Variants in ST6GALNAC3 observed in about 807,000 individuals in gnomAD.
ST6GALNAC3 encodes the protein ST6 N-acetylgalactosaminide alpha-2,6-sialyltransferase 3.
In ST6GALNAC3, 25 loss-of-function variants were observed where a neutral mutation model predicts 32.7. The ratio of observed to expected loss-of-function variants is 0.76; its 90% CI spans 0.56 to 1.07. ST6GALNAC3 has a LOEUF of 1.07. Among genes scored for constraint, ST6GALNAC3 ranks in the 50% least tolerant of loss-of-function variants. The pLI is 0.00. For synonymous variants in ST6GALNAC3, 129 were observed against 133.1 expected (o/e 0.97, Z 0.21); for missense variants, 355 against 382.4 (o/e 0.93, Z 0.60).
chr1:76,195,444 G>A (rs893076457), intron 1 of ST6GALNAC3, among the ~76,000 whole-genome samples: 1 of 152,096 alleles, frequency 6.6e-6, no homozygotes, highest in East Asian at 1.9e-4. Flanking sequence ...TGTACTCAAG[G>A]TTTAATAAAA....
intron 3 of ST6GALNAC3, among the ~76,000 whole-genome samples, chr1:76,467,346 G>C (rs577725246): frequency 2.0e-5 from 3 of 152,058 alleles, no homozygotes; most frequent in East Asian, 3.9e-4. Flanking sequence ...CTATCCCAAA[G>C]AGCCATAGGA....
At chr1:76,489,319 T>C (rs556495304) in intron 3 of ST6GALNAC3, among the ~76,000 whole-genome samples, 4 of 152,224 alleles carry the variant, frequency 2.6e-5, no homozygotes. Flanking sequence ...ATGTTCCTCA[T>C]TTATTCAACA....
intron 1 of ST6GALNAC3, among the ~76,000 whole-genome samples, chr1:76,151,287 G>A (rs965215833): frequency 5.3e-5 from 8 of 152,286 alleles, no homozygotes; most frequent in Middle Eastern, 3.4e-3. Context: ...AAGGGGTGAC[G>A]TTAAAACTAG....
intron 2 of ST6GALNAC3, among the ~76,000 whole-genome samples, chr1:76,365,221 G>GA (rs573094407): frequency 1.7e-3 from 252 of 152,276 alleles, no homozygotes; most frequent in Admixed American, 5.0e-3. Flanking sequence ...AAATAGTTCA[G>GA]AAACTGAAAA....
At chr1:76,242,103 T>G (rs1656998492) in intron 1 of ST6GALNAC3, among the ~76,000 whole-genome samples, 1 of 152,212 alleles carries the variant, frequency 6.6e-6, no homozygotes, top group South Asian at 2.1e-4. Flanking sequence ...TACTAGCTGT[T>G]GTTCTCCCAC....
chr1:76,596,754 ATT>A (rs1284285571), intron 3 of ST6GALNAC3, among the ~76,000 whole-genome samples: 1 of 152,148 alleles, frequency 6.6e-6, no homozygotes, highest in African/African-American at 2.4e-5. Flanking sequence ...ATGTCAGAAC[ATT>A]TGCAGTAACT....
intron 3 of ST6GALNAC3, among the ~76,000 whole-genome samples, chr1:76,589,669 C>T (rs1647017769): frequency 6.6e-6 from 1 of 151,624 alleles, no homozygotes; most frequent in Non-Finnish European, 1.5e-5. Flanking sequence ...TGCTTGGCTA[C>T]TTGAGTAATA....
chr1:76,462,712 T>A (rs1007968065), intron 3 of ST6GALNAC3, among the ~76,000 whole-genome samples: 1 of 151,904 alleles, frequency 6.6e-6, no homozygotes, highest in South Asian at 2.1e-4. Context: ...TTTAGGCACA[T>A]AGACACAGTA....
chr1:76,290,061 A>G (rs986685715), intron 1 of ST6GALNAC3, among the ~76,000 whole-genome samples: 1 of 152,214 alleles, frequency 6.6e-6, no homozygotes, highest in South Asian at 2.1e-4. Flanking sequence ...TTCTCTTTTG[A>G]AATAGTTTTT....
intron 2 of ST6GALNAC3, among the ~76,000 whole-genome samples, chr1:76,340,859 A>G (rs1166044686): frequency 6.6e-6 from 1 of 152,036 alleles, no homozygotes; most frequent in Non-Finnish European, 1.5e-5. Flanking sequence ...GAGCTTTCTC[A>G]GCCCATTTTG....
At chr1:76,447,735 C>T (rs187708351) in intron 3 of ST6GALNAC3, among the ~76,000 whole-genome samples, 106 of 152,242 alleles carry the variant, frequency 7.0e-4, no homozygotes, top group Admixed American at 2.4e-3. Context: ...GAGTGGAAGC[C>T]GCAAGCCTTG....
Position 76,630,895 on chromosome 1 carries a change from T to C in ST6GALNAC3, c.*2089T>C. 1.0e-6 allele frequency: 1 copy of C among 985,662 alleles called. No homozygotes were observed. The highest frequency in any genetic ancestry group is 1.2e-6 in the Non-Finnish European group (1 of 829,818). 61.1% of individuals were successfully genotyped at this position (985,662 alleles called of 1,614,324 possible). On this transcript the variant is annotated 3_prime_UTR_variant, in exon 5 of 5. Transcript: ENST00000328299. Reference sequence around the variant, plus strand: ...CAAATGTTAAAATTGCCATACAGACTGTTTTTCCCCCTGTTGTTTCACTTT... The same window carrying C: ...CAAATGTTAAAATTGCCATACAGACCGTTTTTCCCCCTGTTGTTTCACTTT...
At chr1:76,425,736 G>A (rs985574199) in intron 3 of ST6GALNAC3, among the ~76,000 whole-genome samples, 4 of 151,876 alleles carry the variant, frequency 2.6e-5, no homozygotes, top group African/African-American at 7.2e-5. Flanking sequence ...ATCTCAAAGT[G>A]AACTAAAAAT....
chr1:76,195,297 A>C (rs1163823743), intron 1 of ST6GALNAC3, among the ~76,000 whole-genome samples: 1 of 152,214 alleles, frequency 6.6e-6, no homozygotes, highest in Non-Finnish European at 1.5e-5. Flanking sequence ...TATGTTCATG[A>C]AAAAAGCAAT....
chr1:76,485,039 C>T (rs910683143), intron 3 of ST6GALNAC3, among the ~76,000 whole-genome samples: 6 of 152,010 alleles, frequency 3.9e-5, no homozygotes, highest in Non-Finnish European at 8.8e-5. Context: ...GATTTGCATA[C>T]GTCAAACCAG....
At chr1:76,558,026 C>A (rs1158363195) in intron 3 of ST6GALNAC3, among the ~76,000 whole-genome samples, 15 of 151,960 alleles carry the variant, frequency 9.9e-5, no homozygotes. Flanking sequence ...TCCCCAAAAA[C>A]AAAACTACAA....
intron 3 of ST6GALNAC3, among the ~76,000 whole-genome samples, chr1:76,608,155 A>G (rs965866105): frequency 6.6e-6 from 1 of 152,248 alleles, no homozygotes; most frequent in African/African-American, 2.4e-5. Flanking sequence ...CTCTAAGTAC[A>G]TGGACCTGAG....
At chr1:76,233,191 C>G (rs1457631223) in intron 1 of ST6GALNAC3, among the ~76,000 whole-genome samples, 1 of 152,148 alleles carries the variant, frequency 6.6e-6, no homozygotes, top group African/African-American at 2.4e-5. Context: ...ACTATTACAA[C>G]TATTATCATT....
At chr1:76,559,598 A>T (rs1018911720) in intron 3 of ST6GALNAC3, among the ~76,000 whole-genome samples, 12 of 152,204 alleles carry the variant, frequency 7.9e-5, no homozygotes, top group Non-Finnish European at 1.5e-4. Context: ...CTTGGGGTGG[A>T]GCAAGGTGGA....
Sources: gnomAD v4.1 joint callset for allele counts (sites outside exome capture counted in the v4.1 genomes callset) on GRCh38, gnomAD v4.1.1 for gene constraint, MANE v1.5 for transcripts, NCBI Gene and HGNC (gene_info 2026-07-23, HGNC 2026-07-21) for gene names.